Variants in DCHS2 observed in about 807,000 individuals in gnomAD.
DCHS2 encodes dachsous cadherin-related 2, also known as protocadherin-23.
In DCHS2, 142 loss-of-function variants were observed where a neutral mutation model predicts 182.4. The observed-to-expected ratio is 0.78, with a 90% CI of 0.68 to 0.89. DCHS2 has a LOEUF of 0.89. Ranked by LOEUF, DCHS2 falls within the 40% of genes least tolerant of loss-of-function variation. DCHS2 has a pLI of 0.00. For synonymous variants in DCHS2, 1,740 were observed against 1,663.3 expected (o/e 1.05, Z -1.12); for missense variants, 4,319 against 4,198.6 (o/e 1.03, Z -0.79).
chr4:154,445,331 A>G (rs1003335760), intron 1 of DCHS2, among the ~76,000 whole-genome samples: 6 of 152,206 alleles, frequency 3.9e-5, no homozygotes, highest in African/African-American at 1.4e-4. Flanking sequence ...ACCTTATTGA[A>G]CAGGAAATCA....
chr4:154,448,158 A>T (rs1734379954), intron 1 of DCHS2, among the ~76,000 whole-genome samples: 1 of 151,866 alleles, frequency 6.6e-6, no homozygotes, highest in South Asian at 2.1e-4. Context: ...TTTCCTCCAC[A>T]TCTCAGGTGC....
At chr4:154,243,770 C>G (rs1007111942) in intron 16 of DCHS2, among the ~76,000 whole-genome samples, 1 of 152,162 alleles carries the variant, frequency 6.6e-6, no homozygotes. Context: ...ACCTGGAATG[C>G]TCTATATGTA....
At chr4:154,468,835 G>C (rs1335697845) in intron 1 of DCHS2, among the ~76,000 whole-genome samples, 2 of 151,980 alleles carry the variant, frequency 1.3e-5, no homozygotes, top group African/African-American at 4.8e-5. Context: ...CTATGTACCA[G>C]GCATTGGTTT....
At chr4:154,458,988 A>C (rs1176633041) in intron 1 of DCHS2, among the ~76,000 whole-genome samples, 2 of 152,258 alleles carry the variant, frequency 1.3e-5, no homozygotes, top group African/African-American at 4.8e-5. Flanking sequence ...TTCACAACAG[A>C]AAATACTACA....
At chr4:154,373,123 T>C (rs1397394417) in intron 2 of DCHS2, among the ~76,000 whole-genome samples, 2 of 152,206 alleles carry the variant, frequency 1.3e-5, no homozygotes, top group Admixed American at 1.3e-4. Flanking sequence ...CATTATGGCC[T>C]AGAATCCAAC....
chr4:154,242,772 G>T lies in DCHS2; in HGVS notation c.6942C>A (p.Ser2314Arg). The T allele has an allele frequency of 6.2e-7, 1 of 1,600,660 alleles. No individual in the cohort carries two copies. The highest frequency in any genetic ancestry group is 8.5e-7 in the Non-Finnish European group (1 of 1,175,684). Residue 2314 changes from serine to arginine, a missense_variant and splice_region_variant, in exon 17 of 20, where the codon AGC becomes AGA. Ser to Arg is a moderately radical substitution (Grantham distance 110). Transcript: ENST00000357232. ...ILDYELTSSYSLIVQATDKGM... is the reference protein window; with the variant it reads ...ILDYELTSSYRLIVQATDKGM... ...CTTTATCTGTGGCTTGGACAATCAA[G>T]CTGGTTTGGAAAAAGAATCAAAGAA...
intron 1 of DCHS2, among the ~76,000 whole-genome samples, chr4:154,380,651 A>G (rs1249603731): frequency 6.6e-6 from 1 of 152,136 alleles, no homozygotes; most frequent in Non-Finnish European, 1.5e-5. Context: ...TTGGCAAAGC[A>G]AAATGTAAGG....
At chr4:154,462,086 G>A (rs1209081457) in intron 1 of DCHS2, among the ~76,000 whole-genome samples, 1 of 152,100 alleles carries the variant, frequency 6.6e-6, no homozygotes, top group African/African-American at 2.4e-5. Flanking sequence ...AACAAGATGA[G>A]ATGCCTTCCT....
intron 13 of DCHS2, among the ~76,000 whole-genome samples, chr4:154,297,619 G>T (rs1734984407): frequency 6.6e-6 from 1 of 152,178 alleles, no homozygotes; most frequent in South Asian, 2.1e-4. Flanking sequence ...AATCTTTAAT[G>T]GGAGGGCCCT....
intron 3 of DCHS2, among the ~76,000 whole-genome samples, chr4:154,337,704 T>C (rs1175949366): frequency 6.6e-6 from 1 of 152,000 alleles, no homozygotes; most frequent in Non-Finnish European, 1.5e-5. Context: ...TTCTTCATCT[T>C]CTTTGATGTA....
intron 10 of DCHS2, among the ~76,000 whole-genome samples, chr4:154,313,103 A>G (rs911983589): frequency 1.3e-5 from 2 of 152,212 alleles, no homozygotes; most frequent in African/African-American, 4.8e-5. Flanking sequence ...TCTATATTTC[A>G]GTGTGGCAAT....
Position 154,491,479 on chromosome 4 carries a change from C to T in DCHS2, c.-124G>A. 1.4e-6 allele frequency: 2 copies of T among 1,408,702 alleles called. No homozygotes were observed. Among genetic ancestry groups the T allele is most frequent in the East Asian group, 2.6e-5 (1 of 38,058 alleles). 87.3% of individuals were successfully genotyped at this position (1,408,702 alleles called of 1,614,324 possible). On this transcript the variant is annotated 5_prime_UTR_variant, in exon 1 of 20. Transcript: ENST00000357232. ...GAAAAGACTTTGTTTGGCAAACAAACCGACGGCCCAGGAATTCCCGAGGTT... is the reference window on the plus strand; with the variant it reads ...GAAAAGACTTTGTTTGGCAAACAAATCGACGGCCCAGGAATTCCCGAGGTT...
rs1735036895 is a variant in DCHS2 at position 154,298,264 on chromosome 4, G to A, written c.6050C>T (p.Ser2017Leu). ...AVARDCSIQG[S>L]RSTTVIIKVY... ...TTTTATAATTACAGTGGTGCTTCGT[G>A]AACCCTGGATGCTACAGTCTCTGGC... Residue 2017 changes from serine (S) to leucine (L), a missense_variant, in exon 13 of 20, where the codon TCA becomes TTA. By Grantham distance (145) the Ser-to-Leu change is moderately radical. Transcript: ENST00000357232. The A allele has an allele frequency of 1.2e-6, 2 of 1,614,012 alleles. No homozygotes were observed. The highest frequency in any genetic ancestry group is 2.2e-5 in the South Asian group (2 of 91,088).
At chr4:154,246,216 T>G (rs1732061874) in intron 16 of DCHS2, among the ~76,000 whole-genome samples, 1 of 151,836 alleles carries the variant, frequency 6.6e-6, no homozygotes, top group African/African-American at 2.4e-5. Context: ...ATAGAAAGAT[T>G]ATTTATGTTA....
chr4:154,491,510 T>C lies in DCHS2; in HGVS notation c.-155A>G. 7.1e-7 allele frequency: 1 copy of C among 1,399,670 alleles called. No homozygotes were observed. The highest frequency in any genetic ancestry group is 9.2e-7 in the Non-Finnish European group (1 of 1,082,924). 86.7% of individuals were successfully genotyped at this position (1,399,670 alleles called of 1,614,324 possible). A position where few individuals can be genotyped will look rare whatever the true frequency, so the allele number is the denominator to read the frequency against. On this transcript the variant is annotated 5_prime_UTR_variant, in exon 1 of 20. Transcript: ENST00000357232. Reference sequence around the variant, plus strand: ...GCCCAGGAATTCCCGAGGTTACATCTGCAACTGGTGAAAGCGTCCTCTGCC... The same window carrying C: ...GCCCAGGAATTCCCGAGGTTACATCCGCAACTGGTGAAAGCGTCCTCTGCC...
At chr4:154,294,479 T>G (rs922127411) in intron 13 of DCHS2, among the ~76,000 whole-genome samples, 1 of 152,196 alleles carries the variant, frequency 6.6e-6, no homozygotes, top group African/African-American at 2.4e-5. Flanking sequence ...CCACTCAGTA[T>G]TTTGTTTATC....
chr4:154,281,862 A>T (rs1363299234), intron 13 of DCHS2, among the ~76,000 whole-genome samples: 1 of 152,188 alleles, frequency 6.6e-6, no homozygotes, highest in Non-Finnish European at 1.5e-5. Context: ...TATAAGGCCT[A>T]GAAATAAACC....
intron 1 of DCHS2, among the ~76,000 whole-genome samples, chr4:154,421,310 A>C (rs538984917): frequency 6.6e-6 from 1 of 152,220 alleles, no homozygotes; most frequent in Non-Finnish European, 1.5e-5. Flanking sequence ...GAAATACTTT[A>C]TTAAAGAATC....
chr4:154,325,872 A>C (rs1448160542), intron 7 of DCHS2, among the ~76,000 whole-genome samples: 1 of 152,214 alleles, frequency 6.6e-6, no homozygotes, highest in Non-Finnish European at 1.5e-5. Context: ...AATGCAATGA[A>C]CTCAAAGCTG....
Sources: gnomAD v4.1 joint callset for allele counts (sites outside exome capture counted in the v4.1 genomes callset) on GRCh38, gnomAD v4.1.1 for gene constraint, MANE v1.5 for transcripts, NCBI Gene and HGNC (gene_info 2026-07-23, HGNC 2026-07-21) for gene names.